The following LAMP1 variants were observed in gnomAD, a reference collection of about 807,000 sequenced individuals.
The protein encoded by LAMP1 is lysosome associated membrane protein 1.
Under a neutral mutation model 37.5 loss-of-function variants are expected in LAMP1, and 7 were observed. That is an observed-to-expected ratio of 0.19 (90% CI 0.11 to 0.35). The LOEUF is 0.35. LAMP1 is among the 10% of genes least tolerant of loss of function. The probability of loss-of-function intolerance (pLI) is 1.00; values close to 1 mark genes in which losing one functional copy is unlikely to be tolerated. For missense variants in LAMP1, 537 were observed against 552.8 expected, an observed-to-expected ratio of 0.97 and a Z score of 0.29; for synonymous variants, 236 against 229.1, an observed-to-expected ratio of 1.03 and a Z score of -0.27.
rs1418876499 is a variant in LAMP1, at chr13:113,319,526, G to C, written c.620G>C (p.Ser207Thr). Residue 207 changes from serine (S) to threonine (T), a missense_variant, in exon 5 of 9, where the codon AGC becomes ACC. Coordinates refer to ENST00000332556, the MANE Select transcript of LAMP1 (RefSeq NM_005561.4). ...SPTTAPPAPPSPSPSPVPKSP... is the reference protein window; with the variant it reads ...SPTTAPPAPPTPSPSPVPKSP... ...ACCACAGCGCCCCCTGCGCCACCCA[G>C]CCCCTCGCCCTCACCCGTGCCCAAG... The C allele has an allele frequency of 6.2e-7, 1 of 1,613,908 alleles. No individual in the cohort carries two copies. Among genetic ancestry groups the C allele is most frequent in the Non-Finnish European group, 8.5e-7 (1 of 1,179,992 alleles).
rs745423607 is a variant in LAMP1 at position 113,306,585 on chromosome 13, C to T, written c.162C>T (p.Tyr54=). The change falls in exon 2 of 9, where the codon TAC becomes TAT. Residue 54 remains tyrosine (Y), a synonymous_variant. Coordinates refer to ENST00000332556, the MANE Select transcript of LAMP1 (RefSeq NM_005561.4). ...TCTCTGCTGCCTTCTCAGTGAACTACGACACCAAGAGTGGCCCTAAGGTAG... is the reference window on the plus strand; with the variant it reads ...TCTCTGCTGCCTTCTCAGTGAACTATGACACCAAGAGTGGCCCTAAGGTAG... The part of the protein sequence containing the change: ...ANFSAAFSVN[Y]DTKSGPKNMT... The T allele has an allele frequency of 1.9e-5, 30 of 1,613,948 alleles. No homozygotes were observed. Among genetic ancestry groups the T allele is most frequent in the Middle Eastern group, 3.3e-4 (2 of 6,062 alleles).
chr13:113,302,599 A>AT (rs921731145), intron 1 of LAMP1, among the ~76,000 whole-genome samples: 42 of 151,280 alleles, frequency 2.8e-4, no homozygotes, highest in South Asian at 1.3e-3. Context: ...AAAAAATTAA[A>AT]TTTTTTTTTT....
chr13:113,299,566 G>T (rs956384981), intron 1 of LAMP1, among the ~76,000 whole-genome samples: 4 of 136,486 alleles, frequency 2.9e-5, no homozygotes, highest in South Asian at 2.3e-4. Context: ...CTTGGCCCAA[G>T]AATTTTTTTT....
rs2042700984 is a variant in LAMP1, at chr13:113,321,649, G to A, written c.1036G>A (p.Val346Ile). 6 of 1,614,238 alleles carry A rather than the reference G, an allele frequency of 3.7e-6. No homozygotes were observed. The highest frequency in any genetic ancestry group is 5.1e-6 in the Non-Finnish European group (6 of 1,180,052). The change falls in exon 8 of 9, where the codon GTC (valine) becomes ATC (isoleucine). Residue 346 changes from valine to isoleucine, a missense_variant. By Grantham distance (29) the Val-to-Ile change is conservative. Transcript: ENST00000332556. This position sits in a 1 kb window ranked among gnomAD's most constrained non-coding sequence, Gnocchi z 5.6. Reference protein sequence around the residue: ...YKCNAEEHVRVTKAFSVNIFK... With the variant: ...YKCNAEEHVRITKAFSVNIFK... ...GTGCAACGCGGAGGAGCACGTCCGT[G>A]TCACGAAGGCGTTTTCAGTCAATAT...
At chr13:113,306,690 G>T (rs1311605800) in intron 2 of LAMP1, 84 bp downstream of exon 2, 1 of 1,479,322 alleles carries the variant, frequency 6.8e-7, no homozygotes, top group Admixed American at 2.0e-5. Context: ...TTTGAAAAAT[G>T]GCCCCATCTG....
At chr13:113,301,205 T>G (rs2042569381) in intron 1 of LAMP1, among the ~76,000 whole-genome samples, 1 of 152,044 alleles carries the variant, frequency 6.6e-6, no homozygotes, top group Non-Finnish European at 1.5e-5. Context: ...GAAATATACA[T>G]ACCACAGCGA....
rs2042713834 is a variant in LAMP1, at chr13:113,322,969, C to CAAAG, written c.*549_*552dup. ...TTACTGCACTCAGATTTAAGCCTTA[C>CAAAG]AAAGGGAAAGCCTCTGGCCGTCACA... On this transcript the variant is annotated 3_prime_UTR_variant, in exon 9 of 9. Transcript: ENST00000332556. The CAAAG allele has an allele frequency of 1.3e-5, 2 of 154,630 alleles. No individual in the cohort carries two copies. Among genetic ancestry groups the CAAAG allele is most frequent in the African/African-American group, 4.8e-5 (2 of 41,550 alleles). The allele number at this position is 154,630 out of a possible 1,614,324, so 9.6% of individuals were successfully genotyped here.
chr13:113,302,674 G>A (rs937554490), intron 1 of LAMP1, among the ~76,000 whole-genome samples: 4 of 151,344 alleles, frequency 2.6e-5, no homozygotes, highest in African/African-American at 4.9e-5. Flanking sequence ...GCAGTCCTCC[G>A]CTTCCTCAGC....
At chr13:113,303,051 G>T (rs1388176503) in intron 1 of LAMP1, among the ~76,000 whole-genome samples, 4 of 152,210 alleles carry the variant, frequency 2.6e-5, no homozygotes, top group African/African-American at 9.7e-5. Flanking sequence ...GGAACCCTCT[G>T]TACCTGTGCA....
rs1210069640 is a variant in LAMP1 at position 113,310,847 on chromosome 13, A to G, written c.542A>G (p.Asn181Ser). 7.4e-6 allele frequency: 12 copies of G among 1,613,516 alleles called. No homozygotes were observed. Among genetic ancestry groups the G allele is most frequent in the Non-Finnish European group, 1.0e-5 (12 of 1,179,900 alleles). The change falls in exon 4 of 9, where the codon AAC becomes AGC. Residue 181 changes from asparagine to serine, a missense_variant. Coordinates refer to ENST00000332556, the MANE Select transcript of LAMP1 (RefSeq NM_005561.4). ...HDATIQAYLS[N>S]SSFSRGETRC... ...GCCACCATCCAGGCGTACCTTTCCA[A>G]CAGCAGCTTCAGCCGGGGAGGTAGG... is the stretch of plus-strand genomic sequence containing the variant.
In LAMP1 at chr13:113,306,557, A is replaced by G. The variant is rs1401533589; in HGVS notation, c.134A>G (p.Asn45Ser). 16 of 1,614,164 alleles carry G rather than the reference A, an allele frequency of 9.9e-6. No homozygotes were observed. Among genetic ancestry groups the G allele is most frequent in the African/African-American group, 1.3e-5 (1 of 75,034 alleles). Residue 45 changes from asparagine to serine, a missense_variant, in exon 2 of 9, where the codon AAC becomes AGC. By Grantham distance (46) the Asn-to-Ser change is conservative (BLOSUM62 1). Coordinates refer to ENST00000332556, the MANE Select transcript of LAMP1 (RefSeq NM_005561.4). ...AACGGGACCGCGTGCATAATGGCCA[A>G]CTTCTCTGCTGCCTTCTCAGTGAAC... ...NGNGTACIMANFSAAFSVNYD... is the reference protein window; with the variant it reads ...NGNGTACIMASFSAAFSVNYD...
intron 1 of LAMP1, among the ~76,000 whole-genome samples, chr13:113,302,432 C>A (rs113529543): frequency 1.0e-3 from 151 of 151,280 alleles, no homozygotes; most frequent in African/African-American, 3.4e-3. Flanking sequence ...TCAGGTGATC[C>A]GCCTGCCTCA....
chr13:113,305,804 T>C (rs2042595327), intron 1 of LAMP1: 1 of 152,210 alleles, frequency 6.6e-6, no homozygotes, highest in Non-Finnish European at 1.5e-5. Context: ...TGCAGATGGG[T>C]GAGTTGTGCC....
At chr13:113,305,125 A>T (rs543593550) in intron 1 of LAMP1, 26 of 152,348 alleles carry the variant, frequency 1.7e-4, no homozygotes, top group Admixed American at 1.2e-3. Context: ...ATTGGAATCC[A>T]TTACTTTTCC....
chr13:113,312,533 C>T (rs540219332), intron 4 of LAMP1, among the ~76,000 whole-genome samples: 19 of 152,312 alleles, frequency 1.2e-4, no homozygotes, highest in South Asian at 2.1e-4. Flanking sequence ...TTGGAAACCC[C>T]GGGTGTGACT....
chr13:113,313,181 G>C (rs936943743), intron 4 of LAMP1, among the ~76,000 whole-genome samples: 1 of 152,160 alleles, frequency 6.6e-6, no homozygotes, highest in African/African-American at 2.4e-5. Flanking sequence ...GAAGTGAAGG[G>C]CTGCTAGGTG....
chr13:113,309,528 A>T (rs957790407), intron 2 of LAMP1, 115 bp from the exon 3 acceptor site: 1 of 759,854 alleles, frequency 1.3e-6, no homozygotes, highest in African/African-American at 1.8e-5. Flanking sequence ...CTCAGTAGTG[A>T]TATCTTAGTT....
At chr13:113,311,923 C>T (rs1402996332) in intron 4 of LAMP1, among the ~76,000 whole-genome samples, 1 of 152,150 alleles carries the variant, frequency 6.6e-6, no homozygotes, top group African/African-American at 2.4e-5. Context: ...AGCGTGAGGG[C>T]CTGTGATTTG....
chr13:113,311,015 C>A, intron 4 of LAMP1, 148 bp downstream of exon 4: 1 of 613,136 alleles, frequency 1.6e-6, no homozygotes, highest in Non-Finnish European at 2.8e-6. Context: ...GCAGAACGTT[C>A]TCATCCTTCT....
Sources: allele counts gnomAD v4.1 joint callset (sites outside exome capture counted in the v4.1 genomes callset), GRCh38; gene constraint gnomAD v4.1.1; non-coding constraint Gnocchi (gnomAD v3.1); transcripts MANE v1.5; gene names NCBI Gene and HGNC (gene_info 2026-07-23, HGNC 2026-07-21).